PANK1: variants seen among roughly 807,000 people sequenced by gnomAD.
PANK1 encodes the protein pantothenate kinase 1.
A neutral mutation model predicts 40.1 loss-of-function variants in PANK1; 18 were observed. The observed-to-expected ratio is 0.45, with a 90% CI of 0.31 to 0.67. The LOEUF is 0.67. Ranked by LOEUF, PANK1 falls within the 30% of genes least tolerant of loss-of-function variation. The probability of loss-of-function intolerance (pLI) is 0.06; values close to 1 mark genes in which losing one functional copy is unlikely to be tolerated. For missense variants in PANK1, 457 were observed against 599.6 expected (o/e 0.76, Z 2.48); for synonymous variants, 242 against 237.7 (o/e 1.02, Z -0.17).
chr10:89,635,131 T>C (rs1034181706), intron 1 of PANK1, among the ~76,000 whole-genome samples: 2 of 146,500 alleles, frequency 1.4e-5, no homozygotes, highest in African/African-American at 5.0e-5. Flanking sequence ...TTAGCAAATA[T>C]ATATATATAT....
intron 3 of PANK1, among the ~76,000 whole-genome samples, chr10:89,595,663 T>C (rs1589766086): frequency 6.7e-6 from 1 of 150,208 alleles, no homozygotes; most frequent in African/African-American, 2.4e-5. Flanking sequence ...CTATTAAAAA[T>C]ACAAAAATTA....
At chr10:89,606,997 ATTAT>A (rs1844985897) in intron 2 of PANK1, among the ~76,000 whole-genome samples, 1 of 152,150 alleles carries the variant, frequency 6.6e-6, no homozygotes, top group Non-Finnish European at 1.5e-5. Flanking sequence ...TTTCTCTCTT[ATTAT>A]TTGTGTGTTC....
chr10:89,596,633 T>C (rs531707358), intron 3 of PANK1, among the ~76,000 whole-genome samples: 1 of 152,316 alleles, frequency 6.6e-6, no homozygotes, highest in African/African-American at 2.4e-5. Context: ...GATGCATCTG[T>C]TTGTTTCAGT....
intron 1 of PANK1, among the ~76,000 whole-genome samples, chr10:89,641,711 G>A (rs975974642): frequency 1.8e-4 from 27 of 151,498 alleles, no homozygotes; most frequent in Non-Finnish European, 5.9e-5. Context: ...CAGCCTCGGC[G>A]ACAGAGCGAG....
chr10:89,587,485 CACA>C (rs1489522355), intron 6 of PANK1, among the ~76,000 whole-genome samples: 1 of 152,086 alleles, frequency 6.6e-6, no homozygotes, highest in East Asian at 1.9e-4. Context: ...AGGTGGATGC[CACA>C]ACGTGAAAGA....
At chr10:89,596,453 A>G (rs1844609629) in intron 3 of PANK1, among the ~76,000 whole-genome samples, 1 of 152,242 alleles carries the variant, frequency 6.6e-6, no homozygotes, top group African/African-American at 2.4e-5. Flanking sequence ...ACTCCACATA[A>G]AGAATTGGAG....
rs7896079 is a variant in PANK1, at chr10:89,611,688, C to A, written c.645+8G>T. 958,240 of 1,583,634 alleles carry A rather than the reference C, an allele frequency of 0.61. 293,248 individuals are homozygous for A. The highest frequency in any genetic ancestry group is 0.63 in the South Asian group (55,158 of 87,954). ...TTTGATGTTTTAACAAAGACAAACC[C>A]GACCTACCATTCTGAAGTCCTCTTC... On this transcript the variant is annotated splice_region_variant and intron_variant, in intron 2 of 6. Coordinates refer to ENST00000307534, the MANE Select transcript of PANK1 (RefSeq NM_148977.3).
At position 89,636,867 on chromosome 10, in the gene PANK1, C is replaced by CT. The variant is rs1251842783; in HGVS notation, c.292+7732dup. ...GCCTGAGCCACACCAGAGCACCCCTCTTTTTTTTTTTTGAGACAGAGTCTC... is the reference window on the plus strand; with the variant it reads ...GCCTGAGCCACACCAGAGCACCCCTCTTTTTTTTTTTTTGAGACAGAGTCTC... On this transcript the variant is annotated intron_variant, in intron 1 of 6. Transcript: ENST00000307534. 2.6e-3 allele frequency among the ~76,000 whole-genome samples: 366 copies of CT among 143,070 alleles called. 3 individuals are homozygous for CT. The highest frequency in any genetic ancestry group is 7.7e-3 in the Middle Eastern group (2 of 260). The allele number at this position is 143,070 out of a possible 152,430, so 93.9% of individuals were successfully genotyped here. A position where few individuals can be genotyped will look rare whatever the true frequency, so the allele number is the denominator to read the frequency against.
chr10:89,606,737 G>A (rs1342755255), intron 2 of PANK1, among the ~76,000 whole-genome samples: 2 of 152,054 alleles, frequency 1.3e-5, no homozygotes, highest in African/African-American at 2.4e-5. Flanking sequence ...TTGCCCAGGT[G>A]GGTCTTGAAC....
At chr10:89,607,391 A>C (rs1844999833) in intron 2 of PANK1, among the ~76,000 whole-genome samples, 2 of 152,246 alleles carry the variant, frequency 1.3e-5, no homozygotes, top group South Asian at 4.1e-4. Flanking sequence ...TGGGTGCCCC[A>C]AAACAATTAC....
At chr10:89,610,459 T>C (rs1845118575) in intron 2 of PANK1, among the ~76,000 whole-genome samples, 1 of 97,308 alleles carries the variant, frequency 1.0e-5, no homozygotes, top group Non-Finnish European at 2.4e-5. Flanking sequence ...GGAGGGGACA[T>C]AGAAGAAAAA....
chr10:89,594,860 A>G (rs971323518), intron 3 of PANK1, among the ~76,000 whole-genome samples: 1 of 152,210 alleles, frequency 6.6e-6, no homozygotes, highest in Admixed American at 6.5e-5. Flanking sequence ...ATTCAGAGTA[A>G]AGTATCGCCA....
intron 3 of PANK1, among the ~76,000 whole-genome samples, chr10:89,595,873 T>TATATATATATATATATATATAA (rs781450193): frequency 1.2e-5 from 1 of 81,486 alleles, no homozygotes; most frequent in Non-Finnish European, 2.2e-5. Context: ...TATATATATA[T>TATATATATATATATATATATAA]AACTTCATTT....
intron 1 of PANK1, among the ~76,000 whole-genome samples, chr10:89,618,098 A>G (rs1267172843): frequency 6.6e-6 from 1 of 152,188 alleles, no homozygotes; most frequent in East Asian, 1.9e-4. Flanking sequence ...GAAGAGAACA[A>G]TGGACTGGGA....
rs1454960930 is a variant in PANK1, at chr10:89,584,309, T to C, written c.*97A>G. ...AATCCAGCAGGTTCATCTGCCATAA[T>C]GGCTTGGCTTCCGTCCCAAAGCGAC... On this transcript the variant is annotated 3_prime_UTR_variant, in exon 7 of 7. Coordinates refer to ENST00000307534, the MANE Select transcript of PANK1 (RefSeq NM_148977.3). 2.1e-5 allele frequency: 16 copies of C among 751,680 alleles called. No individual in the cohort carries two copies. The highest frequency in any genetic ancestry group is 3.4e-5 in the Non-Finnish European group (14 of 415,234). The allele number at this position is 751,680 out of a possible 1,614,324, so 46.6% of individuals were successfully genotyped here. A position where few individuals can be genotyped will look rare whatever the true frequency, so the allele number is the denominator to read the frequency against.
In PANK1 at chr10:89,595,824, AAAAAAAAAAATATAT is replaced by A. The variant is rs1375798913; in HGVS notation, c.900-1850_900-1836del. Reference sequence around the variant, plus strand: ...AGAGCCGGACTCCATCTTAAAAAAAAAAAAAAAAAATATATATATATATATATATATATATATATA... The same window carrying A: ...AGAGCCGGACTCCATCTTAAAAAAAAATATATATATATATATATATATATA... On this transcript the variant is annotated intron_variant, in intron 3 of 6. Transcript: ENST00000307534. 1.1e-4 allele frequency among the ~76,000 whole-genome samples: 6 copies of A among 52,722 alleles called. No homozygotes were observed. The East Asian group carries it at 5.3e-3, about 47-fold the overall frequency. The allele number at this position is 52,722 out of a possible 152,430, so 34.6% of individuals were successfully genotyped here.
intron 1 of PANK1, among the ~76,000 whole-genome samples, chr10:89,640,381 C>T (rs1376900711): frequency 4.5e-5 from 6 of 133,318 alleles, no homozygotes; most frequent in African/African-American, 1.8e-4. Flanking sequence ...AATGTACTCT[C>T]AAGGAGAGAA....
chr10:89,620,470 C>T (rs1213550536), intron 1 of PANK1, among the ~76,000 whole-genome samples: 1 of 152,222 alleles, frequency 6.6e-6, no homozygotes. Context: ...TGGTCTCCTG[C>T]AGCGCCCTCA....
At chr10:89,630,849 G>A (rs1164131200) in intron 1 of PANK1, among the ~76,000 whole-genome samples, 3 of 152,056 alleles carry the variant, frequency 2.0e-5, no homozygotes, top group African/African-American at 7.2e-5. Context: ...TAAGATTTTT[G>A]AATTAAACAT....
Sources: gnomAD v4.1 joint callset for allele counts (sites outside exome capture counted in the v4.1 genomes callset) on GRCh38, gnomAD v4.1.1 for gene constraint, MANE v1.5 for transcripts, NCBI Gene and HGNC (gene_info 2026-07-23, HGNC 2026-07-21) for gene names.